Variants in MLKL observed in about 807,000 individuals in gnomAD.
The protein encoded by MLKL is mixed lineage kinase domain like pseudokinase, also known as mixed lineage kinase domain-like protein.
In MLKL, 55 loss-of-function variants were observed where a neutral mutation model predicts 56.5. The observed-to-expected ratio is 0.97, with a 90% confidence interval of 0.78 to 1.22. The LOEUF (loss-of-function observed/expected upper bound fraction) is 1.22, where lower values mean the gene tolerates loss of function less well. Among genes scored for constraint, MLKL ranks in the 50% most tolerant of loss-of-function variants. MLKL has a pLI of 0.00. For missense variants in MLKL, 694 were observed against 573.9 expected (o/e 1.21, Z -2.14); for synonymous variants, 251 against 208.3 (o/e 1.20, Z -1.76).
intron 4 of MLKL, among the ~76,000 whole-genome samples, chr16:74,688,142 G>A (rs1960449660): frequency 6.6e-6 from 1 of 151,550 alleles, no homozygotes; most frequent in Non-Finnish European, 1.5e-5. Context: ...GCTAATTTTT[G>A]TATTTTTAGT....
In MLKL at chr16:74,686,957, T is replaced by C. The variant is rs150219863; in HGVS notation, c.723-1374A>G. On this transcript the variant is annotated intron_variant, in intron 4 of 10. Coordinates refer to ENST00000308807, the MANE Select transcript of MLKL (RefSeq NM_152649.4). ...CCTGAAAATTTTGTACCTAAATTGT[T>C]GAAAGAATTTTGTTTTGTTTTGTTT... Among the ~76,000 whole-genome samples, 6 of 152,332 alleles carry C rather than the reference T, an allele frequency of 3.9e-5. No individual in the cohort carries two copies. In the East Asian group the frequency reaches 9.6e-4, roughly 24 times the overall value.
chr16:74,693,477 A>AAAAGAAAG (rs373622678), intron 2 of MLKL, among the ~76,000 whole-genome samples: 53,299 of 121,690 alleles, frequency 0.44, 12,529 homozygotes, highest in Middle Eastern at 0.54. Flanking sequence ...AAGAAAAGAA[A>AAAAGAAAG]AAAGAAAGAA....
chr16:74,672,499 A>G lies in MLKL; in HGVS notation c.*5T>C. The G allele has an allele frequency of 6.2e-7, 1 of 1,613,340 alleles. No homozygotes were observed. ...CAGAGACTCCTTGGTTTAGATTTTG[A>G]TACACTACTTAGAAAAGGTGGAGAG... On this transcript the variant is annotated 3_prime_UTR_variant, in exon 11 of 11. Coordinates refer to ENST00000308807, the MANE Select transcript of MLKL (RefSeq NM_152649.4).
At chr16:74,678,430 G>C (rs1959739125) in intron 7 of MLKL, 1 of 171,204 alleles carries the variant, frequency 5.8e-6, no homozygotes, top group South Asian at 1.4e-4. Flanking sequence ...TTGTGTGGTG[G>C]GCACACAGAA....
Position 74,696,862 on chromosome 16 carries a change from C to A in MLKL, c.-2-1103G>T, listed in dbSNP as rs560200265. On this transcript the variant is annotated intron_variant, in intron 1 of 10. Transcript: ENST00000308807. The stretch of plus-strand genomic sequence containing the variant: ...AATCCCAGCTACTCGGAGGGCTAAG[C>A]CAGGAGAATTGCTTGAACCCAGGGG... Among the ~76,000 whole-genome samples, 3 of 148,688 alleles carry A rather than the reference C, an allele frequency of 2.0e-5. No homozygotes were observed. In the East Asian group the frequency reaches 5.9e-4, roughly 29 times the overall value.
rs1401887481 is a variant in MLKL, at chr16:74,672,225, G to A, written c.*279C>T. 1 of 330,728 alleles carries A rather than the reference G, an allele frequency of 3.0e-6. No individual in the cohort carries two copies. Among genetic ancestry groups the A allele is most frequent in the African/African-American group, 2.1e-5 (1 of 47,774 alleles). 20.5% of individuals were successfully genotyped at this position (330,728 alleles called of 1,614,324 possible). ...AAGAGACTTCATTTATGGAAGGGAG[G>A]AGCTGCAAATTTCATTGCCAAGAGG... On this transcript the variant is annotated 3_prime_UTR_variant, in exon 11 of 11. Coordinates refer to ENST00000308807, the MANE Select transcript of MLKL (RefSeq NM_152649.4).
At chr16:74,693,449 G>T (rs1468907277) in intron 2 of MLKL, among the ~76,000 whole-genome samples, 3 of 28,030 alleles carry the variant, frequency 1.1e-4, no homozygotes, top group Non-Finnish European at 6.5e-5. Context: ...GCAAGACTCT[G>T]TCTCAAAAAA....
At chr16:74,676,605 G>T in intron 7 of MLKL, 2 of 370,700 alleles carry the variant, frequency 5.4e-6, no homozygotes, top group Non-Finnish European at 7.5e-6. Context: ...TGCATGAAGA[G>T]CGTGAGAGTA....
chr16:74,697,288 T>C (rs950094275), intron 1 of MLKL, among the ~76,000 whole-genome samples: 1 of 151,888 alleles, frequency 6.6e-6, no homozygotes, highest in African/African-American at 2.4e-5. Flanking sequence ...AGAATCTGAG[T>C]CTTTGATGAC....
chr16:74,685,457 G>T, intron 5 of MLKL, 29 bp downstream of exon 5: 1 of 1,567,902 alleles, frequency 6.4e-7, no homozygotes, highest in South Asian at 1.1e-5. Context: ...GCCATCCAAA[G>T]CTTGACCAAT....
chr16:74,676,021 A>G (rs569916819), intron 7 of MLKL: 9 of 467,898 alleles, frequency 1.9e-5, no homozygotes, highest in African/African-American at 3.9e-5. Flanking sequence ...ATTACTTGAG[A>G]TAATGGTTAT....
In MLKL at chr16:74,685,792, A is replaced by T. The variant is rs1960291332; in HGVS notation, c.723-209T>A. Reference sequence around the variant, plus strand: ...CAATTAGTCCCTCGGGGTCTGTCAGATATTAATGGGACTTGCTAATATCTT... The same window carrying T: ...CAATTAGTCCCTCGGGGTCTGTCAGTTATTAATGGGACTTGCTAATATCTT... On this transcript the variant is annotated intron_variant, in intron 4 of 10. Coordinates refer to ENST00000308807, the MANE Select transcript of MLKL (RefSeq NM_152649.4). Among the ~76,000 whole-genome samples, 6 of 152,176 alleles carry T rather than the reference A, an allele frequency of 3.9e-5. No individual in the cohort carries two copies. In the South Asian group the frequency reaches 1.2e-3, roughly 32 times the overall value.
chr16:74,684,544 G>C (rs917080252), intron 5 of MLKL, among the ~76,000 whole-genome samples: 3 of 151,520 alleles, frequency 2.0e-5, no homozygotes, highest in Non-Finnish European at 4.4e-5. Context: ...ACCCAGGCTG[G>C]AGTGCAGTGG....
intron 4 of MLKL, 104 bp downstream of exon 4, chr16:74,691,173 A>G: frequency 9.3e-7 from 1 of 1,076,702 alleles, no homozygotes; most frequent in Non-Finnish European, 1.4e-6. Flanking sequence ...TTAACCCTTT[A>G]GGGCCCAGGC....
chr16:74,678,682 C>A (rs2070224765), intron 7 of MLKL, among the ~76,000 whole-genome samples: 1 of 152,152 alleles, frequency 6.6e-6, no homozygotes, highest in South Asian at 2.1e-4. Flanking sequence ...ACTTGGGAGG[C>A]TGAGGCAGGA....
At chr16:74,673,808 G>A (rs558680296) in intron 10 of MLKL, among the ~76,000 whole-genome samples, 3 of 152,226 alleles carry the variant, frequency 2.0e-5, no homozygotes, top group East Asian at 1.9e-4. Flanking sequence ...ATGCTGCTGT[G>A]GTGGTGCCTG....
Position 74,671,973 on chromosome 16 carries a change from C to T in MLKL, c.*531G>A, listed in dbSNP as rs1283883006. 1 of 152,374 alleles carries T rather than the reference C, an allele frequency of 6.6e-6. No homozygotes were observed. The highest frequency in any genetic ancestry group is 1.5e-5 in the Non-Finnish European group (1 of 68,232). 9.4% of individuals were successfully genotyped at this position (152,374 alleles called of 1,614,324 possible). On this transcript the variant is annotated 3_prime_UTR_variant, in exon 11 of 11. Coordinates refer to ENST00000308807, the MANE Select transcript of MLKL (RefSeq NM_152649.4). ...TTGGCCTCATTCATGTGTTAGCTGCCATGTTGGTTGGGCTAGTATGACTTC... is the reference window on the plus strand; with the variant it reads ...TTGGCCTCATTCATGTGTTAGCTGCTATGTTGGTTGGGCTAGTATGACTTC...
At chr16:74,688,103 C>T (rs567752888) in intron 4 of MLKL, among the ~76,000 whole-genome samples, 1 of 151,792 alleles carries the variant, frequency 6.6e-6, no homozygotes, top group African/African-American at 2.4e-5. Flanking sequence ...GGATTACAGT[C>T]GTGAGCCACT....
chr16:74,674,128 T>A lies in MLKL; in HGVS notation c.1381+832A>T, dbSNP rs185015980. Reference sequence around the variant, plus strand: ...GAGTTCTTTGTGTGGTGGGCTGTCCTATGCGTTGTAGGATGTTGAATAGCA... The same window carrying A: ...GAGTTCTTTGTGTGGTGGGCTGTCCAATGCGTTGTAGGATGTTGAATAGCA... On this transcript the variant is annotated intron_variant, in intron 10 of 10. Coordinates refer to ENST00000308807, the MANE Select transcript of MLKL (RefSeq NM_152649.4). Among the ~76,000 whole-genome samples, 216 of 151,948 alleles carry A rather than the reference T, an allele frequency of 1.4e-3. 1 individual carries two copies. The South Asian group carries it at 0.015, about 11-fold the overall frequency.
Sources: allele counts gnomAD v4.1 joint callset (sites outside exome capture counted in the v4.1 genomes callset), GRCh38; gene constraint gnomAD v4.1.1; transcripts MANE v1.5; gene names NCBI Gene and HGNC (gene_info 2026-07-23, HGNC 2026-07-21).